Variants in EVL observed in about 807,000 individuals in gnomAD.
EVL encodes the protein ena/VASP-like protein.
EVL carries 21 observed loss-of-function variants against 59.6 expected under a neutral mutation model. That is an observed-to-expected ratio of 0.35 (90% CI 0.25 to 0.51). The LOEUF is 0.51. Ranked by LOEUF, EVL falls within the 20% of genes least tolerant of loss-of-function variation. The pLI, the probability that EVL is intolerant of heterozygous loss-of-function variation, is 0.97. For synonymous variants in EVL, 198 were observed against 203.5 expected (o/e 0.97, Z 0.23); for missense variants, 462 against 546.6 (o/e 0.85, Z 1.54).
At chr14:100,018,614 C>T (rs948299015) in intron 1 of EVL, among the ~76,000 whole-genome samples, 2 of 152,126 alleles carry the variant, frequency 1.3e-5, no homozygotes, top group Non-Finnish European at 2.9e-5. Flanking sequence ...ACCCAGGCTG[C>T]GTGAGCGGGT....
At chr14:99,995,536 AT>A (rs146617241) in intron 1 of EVL, among the ~76,000 whole-genome samples, 11,152 of 152,078 alleles carry the variant, frequency 0.073, 444 homozygotes, top group Middle Eastern at 0.11. Flanking sequence ...CTTTTAGTTC[AT>A]TGAGCATCCT....
intron 1 of EVL, among the ~76,000 whole-genome samples, chr14:100,009,544 T>G (rs2061003162): frequency 6.6e-6 from 1 of 152,254 alleles, no homozygotes; most frequent in Non-Finnish European, 1.5e-5. Context: ...ATTTATTTGT[T>G]TATTCAATCA....
At chr14:100,136,244 C>T (rs975320283) in intron 9 of EVL, among the ~76,000 whole-genome samples, 1 of 152,252 alleles carries the variant, frequency 6.6e-6, no homozygotes, top group African/African-American at 2.4e-5. Context: ...CGAGAGAAGG[C>T]ACTTGCCTGA....
At chr14:99,975,605 A>T (rs922035419) in intron 1 of EVL, among the ~76,000 whole-genome samples, 6 of 152,158 alleles carry the variant, frequency 3.9e-5, no homozygotes, top group Non-Finnish European at 8.8e-5. Context: ...ATCATCAGGG[A>T]TTAGCTTCTC....
intron 2 of EVL, among the ~76,000 whole-genome samples, chr14:100,086,912 A>G (rs2062456118): frequency 6.6e-6 from 1 of 152,268 alleles, no homozygotes; most frequent in Non-Finnish European, 1.5e-5. Context: ...CCAAGACATT[A>G]GAGAAAATGG....
chr14:100,006,173 A>C (rs751814169), intron 1 of EVL, among the ~76,000 whole-genome samples: 1 of 152,186 alleles, frequency 6.6e-6, no homozygotes, highest in Admixed American at 6.5e-5. Context: ...AAACAACAAC[A>C]AAAACAGAAA....
chr14:100,040,945 T>G (rs2061458571), intron 1 of EVL, among the ~76,000 whole-genome samples: 1 of 152,230 alleles, frequency 6.6e-6, no homozygotes, highest in African/African-American at 2.4e-5. Flanking sequence ...ACAACGTTTG[T>G]GGAGGCTAAA....
At position 100,126,725 on chromosome 14, in the gene EVL, C is replaced by A; in HGVS notation, c.441C>A (p.His147Gln). The A allele has an allele frequency of 6.2e-7, 1 of 1,614,128 alleles. No homozygotes were observed. The highest frequency in any genetic ancestry group is 1.1e-5 in the South Asian group (1 of 91,078). Residue 147 changes from histidine (H) to glutamine (Q), a missense_variant, in exon 5 of 14, where the codon CAC (histidine) becomes CAA (glutamine). By Grantham distance (24) the His-to-Gln change is conservative. Transcript: ENST00000392920. ...DIQRRQVMEQ[H>Q]QQQRQESLER... ...TTTCCAGACAAGTGATGGAGCAGCACCAGCAGCAGCGTCAGGAATCTCTAG... is the reference window on the plus strand; with the variant it reads ...TTTCCAGACAAGTGATGGAGCAGCAACAGCAGCAGCGTCAGGAATCTCTAG...
At chr14:100,138,202 G>A (rs1888934587) in intron 11 of EVL, 2 of 280,888 alleles carry the variant, frequency 7.1e-6, no homozygotes, top group Admixed American at 9.9e-5. Context: ...GCAACAGCTG[G>A]ACATGGGGTG....
At chr14:100,064,867 G>A (rs142487486), upstream of EVL, among the ~76,000 whole-genome samples, 2,719 of 152,286 alleles carry the variant, frequency 0.018, 35 homozygotes, top group Non-Finnish European at 0.027. Context: ...CCAAGATCGT[G>A]CCATTGCACT....
chr14:100,016,876 G>A (rs2061055253), intron 1 of EVL, among the ~76,000 whole-genome samples: 1 of 152,146 alleles, frequency 6.6e-6, no homozygotes, highest in African/African-American at 2.4e-5. Context: ...CTCTTGCTTG[G>A]CCATGAAATT....
rs1888186190 is a variant in EVL at position 100,127,986 on chromosome 14, C to T, written c.488-533C>T. Among the ~76,000 whole-genome samples the T allele has an allele frequency of 6.6e-6, 1 of 152,242 alleles. No homozygotes were observed. The highest frequency in any genetic ancestry group is 2.4e-5 in the African/African-American group (1 of 41,460). On this transcript the variant is annotated intron_variant, in intron 5 of 13. Transcript: ENST00000392920. This position sits in a 1 kb window ranked among gnomAD's most constrained non-coding sequence, Gnocchi z 4.2. ...TGGCACAAAACAGGCTTAGGCAGCA[C>T]TGGCGGAAGGGGCTGGATGGATGAT...
At chr14:100,120,325 A>G (rs1191286678) in intron 3 of EVL, among the ~76,000 whole-genome samples, 1 of 152,188 alleles carries the variant, frequency 6.6e-6, no homozygotes, top group Non-Finnish European at 1.5e-5. Context: ...TCAGTGGAAT[A>G]TGAACTAAGT....
intron 1 of EVL, among the ~76,000 whole-genome samples, chr14:100,040,852 G>A (rs1026845382): frequency 1.3e-5 from 2 of 152,088 alleles, no homozygotes; most frequent in Non-Finnish European, 2.9e-5. Context: ...TGAAATAGAG[G>A]ATGTAATAAC....
chr14:100,065,283 A>G (rs181524632), upstream of EVL: 59 of 307,898 alleles, frequency 1.9e-4, no homozygotes, highest in African/African-American at 1.2e-3. Context: ...CTGCAGTGTT[A>G]GCTTCTTGTT....
At chr14:100,000,569 G>A (rs764941610) in intron 1 of EVL, among the ~76,000 whole-genome samples, 1 of 151,998 alleles carries the variant, frequency 6.6e-6, no homozygotes, top group Admixed American at 6.6e-5. Context: ...GAATGGTCCC[G>A]ATCTCCTGAC....
chr14:99,987,969 C>G (rs1210101), intron 1 of EVL, among the ~76,000 whole-genome samples: 11,691 of 132,748 alleles, frequency 0.088, 501 homozygotes, highest in Middle Eastern at 0.17. Context: ...GGCTGGAGTG[C>G]AATGGCGTGA....
intron 11 of EVL, 62 bp downstream of exon 11, chr14:100,137,864 C>A: frequency 6.7e-7 from 1 of 1,481,888 alleles, no homozygotes; most frequent in Non-Finnish European, 9.4e-7. Context: ...GTCCCCCGTC[C>A]CGTGACTAAC....
chr14:100,062,087 G>C (rs1029944276), upstream of EVL, among the ~76,000 whole-genome samples: 2 of 151,734 alleles, frequency 1.3e-5, no homozygotes, highest in Admixed American at 1.3e-4. Flanking sequence ...GCAGTGAGCT[G>C]TAATCATACC....
Sources: allele counts gnomAD v4.1 joint callset (sites outside exome capture counted in the v4.1 genomes callset), GRCh38; gene constraint gnomAD v4.1.1; non-coding constraint Gnocchi (gnomAD v3.1); transcripts MANE v1.5; gene names NCBI Gene and HGNC (gene_info 2026-07-23, HGNC 2026-07-21).